The following CADM2 variants were observed in gnomAD, a reference collection of about 807,000 sequenced individuals.
CADM2 encodes immunoglobulin superfamily member 4D.
CADM2 carries 12 observed loss-of-function variants against 49.8 expected under a neutral mutation model. The observed-to-expected ratio is 0.24, with a 90% CI of 0.15 to 0.39. The LOEUF is 0.39. CADM2 is among the 10% of genes least tolerant of loss of function. CADM2 has a pLI of 1.00. For missense variants in CADM2, 378 were observed against 492.3 expected (o/e 0.77, Z 2.20); for synonymous variants, 214 against 175.4 (o/e 1.22, Z -1.74).
intron 1 of CADM2, among the ~76,000 whole-genome samples, chr3:85,695,049 C>G (rs1291719939): frequency 6.6e-6 from 1 of 152,134 alleles, no homozygotes; most frequent in African/African-American, 2.4e-5. Flanking sequence ...CCTCTAATGT[C>G]TCGTGTTTTT....
chr3:85,766,973 G>C (rs562064526), intron 2 of CADM2, among the ~76,000 whole-genome samples: 1 of 152,206 alleles, frequency 6.6e-6, no homozygotes, highest in East Asian at 1.9e-4. Context: ...TAGATTAGCA[G>C]CTCCCACAGG....
At chr3:85,413,534 C>T (rs1576508529) in intron 1 of CADM2, among the ~76,000 whole-genome samples, 1 of 152,092 alleles carries the variant, frequency 6.6e-6, no homozygotes, top group Non-Finnish European at 1.5e-5. Flanking sequence ...ATAGTGGCTT[C>T]TGAGAAGGCC....
intron 6 of CADM2, among the ~76,000 whole-genome samples, chr3:85,929,794 A>G (rs1720365078): frequency 6.6e-6 from 1 of 152,016 alleles, no homozygotes. Context: ...TTCTAAACGC[A>G]TTTACAAGCA....
At chr3:85,834,778 T>C (rs1355303134) in intron 3 of CADM2, among the ~76,000 whole-genome samples, 1 of 150,890 alleles carries the variant, frequency 6.6e-6, no homozygotes. Flanking sequence ...TGCATAGTAA[T>C]AGAATAAGCA....
At chr3:85,129,113 G>A (rs1187508080) in intron 1 of CADM2, among the ~76,000 whole-genome samples, 2 of 151,962 alleles carry the variant, frequency 1.3e-5, no homozygotes, top group Non-Finnish European at 2.9e-5. Context: ...ACTGAAACCC[G>A]GTCCATAGCC....
At chr3:85,843,627 A>G (rs2074740699) in intron 3 of CADM2, among the ~76,000 whole-genome samples, 1 of 152,086 alleles carries the variant, frequency 6.6e-6, no homozygotes. Context: ...ATATTCTCTC[A>G]TCACTTTAAT....
At chr3:85,813,481 C>T (rs2073014650) in intron 3 of CADM2, among the ~76,000 whole-genome samples, 1 of 152,066 alleles carries the variant, frequency 6.6e-6, no homozygotes, top group Non-Finnish European at 1.5e-5. Flanking sequence ...CAAAAATTTC[C>T]TACCATTCTG....
intron 1 of CADM2, among the ~76,000 whole-genome samples, chr3:85,372,613 A>T (rs995029724): frequency 1.3e-5 from 2 of 152,038 alleles, no homozygotes; most frequent in African/African-American, 4.8e-5. Flanking sequence ...ATGTTCAGAT[A>T]TTTTGGGTCC....
At chr3:85,920,436 CA>C (rs1203476795) in intron 6 of CADM2, among the ~76,000 whole-genome samples, 1 of 151,708 alleles carries the variant, frequency 6.6e-6, no homozygotes, top group Non-Finnish European at 1.5e-5. Context: ...TAAGATATTT[CA>C]AAAAGCTACT....
At chr3:85,572,275 A>G (rs1382865833) in intron 1 of CADM2, among the ~76,000 whole-genome samples, 3 of 152,162 alleles carry the variant, frequency 2.0e-5, no homozygotes, top group Non-Finnish European at 4.4e-5. Flanking sequence ...CGACAGAGTA[A>G]GACTCTGTGT....
chr3:85,337,182 T>TA (rs886376046), intron 1 of CADM2, among the ~76,000 whole-genome samples: 9 of 150,060 alleles, frequency 6.0e-5, no homozygotes, highest in Non-Finnish European at 1.2e-4. Flanking sequence ...ACAACACCTC[T>TA]AAAAAATGTT....
intron 1 of CADM2, among the ~76,000 whole-genome samples, chr3:85,100,842 A>G (rs187663216): frequency 6.6e-6 from 1 of 152,318 alleles, no homozygotes; most frequent in East Asian, 1.9e-4. Flanking sequence ...TCATATGTAA[A>G]TTAGATCCAG....
chr3:85,879,477 AT>A lies in CADM2; in HGVS notation c.239-3810del, dbSNP rs1339676764. Reference sequence around the variant, plus strand: ...ATACTTAGAATCACAATGATTTAGAATTTTCCCAAAGGCTATATATTTTATA... The same window carrying A: ...ATACTTAGAATCACAATGATTTAGAATTTCCCAAAGGCTATATATTTTATA... On this transcript the variant is annotated intron_variant, in intron 3 of 9. Transcript: ENST00000383699. Among the ~76,000 whole-genome samples, 14 of 152,172 alleles carry A rather than the reference AT, an allele frequency of 9.2e-5. No individual in the cohort carries two copies. In the East Asian group the frequency reaches 2.7e-3, roughly 29 times the overall value.
intron 1 of CADM2, among the ~76,000 whole-genome samples, chr3:85,111,165 A>G (rs1299921888): frequency 6.6e-6 from 1 of 151,912 alleles, no homozygotes; most frequent in Non-Finnish European, 1.5e-5. Context: ...TTCAAATCAT[A>G]TAGGTATGAA....
chr3:85,297,632 G>A (rs749493032), intron 1 of CADM2, among the ~76,000 whole-genome samples: 1 of 151,670 alleles, frequency 6.6e-6, no homozygotes, highest in Non-Finnish European at 1.5e-5. Context: ...ACTTTATTTT[G>A]CCTAGGCCTC....
At chr3:85,223,634 G>T (rs2042087858) in intron 1 of CADM2, among the ~76,000 whole-genome samples, 2 of 151,838 alleles carry the variant, frequency 1.3e-5, no homozygotes, top group East Asian at 1.9e-4. Context: ...TTTAAGTTCT[G>T]GGGTACATGT....
chr3:85,342,087 G>A (rs1576379777), intron 1 of CADM2, among the ~76,000 whole-genome samples: 1 of 152,010 alleles, frequency 6.6e-6, no homozygotes, highest in Non-Finnish European at 1.5e-5. Context: ...CCTACAGAAT[G>A]GGAGAAAATT....
At chr3:86,026,622 C>T (rs183589005) in intron 8 of CADM2, among the ~76,000 whole-genome samples, 1 of 152,284 alleles carries the variant, frequency 6.6e-6, no homozygotes, top group East Asian at 1.9e-4. Flanking sequence ...CCAACTGACG[C>T]CTATTCATCC....
At chr3:85,717,393 G>A (rs1182524804) in intron 1 of CADM2, among the ~76,000 whole-genome samples, 1 of 152,172 alleles carries the variant, frequency 6.6e-6, no homozygotes, top group Non-Finnish European at 1.5e-5. Context: ...GATTTAGGGG[G>A]CTGAGATGAT....
Sources: gnomAD v4.1 joint callset for allele counts (sites outside exome capture counted in the v4.1 genomes callset) on GRCh38, gnomAD v4.1.1 for gene constraint, MANE v1.5 for transcripts, NCBI Gene and HGNC (gene_info 2026-07-23, HGNC 2026-07-21) for gene names.